The following LAMA2 variants were observed in gnomAD, a reference collection of about 807,000 sequenced individuals.
LAMA2 encodes the protein laminin subunit alpha-2.
LAMA2 carries 269 observed loss-of-function variants against 364.8 expected under a neutral mutation model. That is an observed-to-expected ratio of 0.74 (90% CI 0.67 to 0.82). LAMA2 has a LOEUF of 0.82. Among genes scored for constraint, LAMA2 ranks in the 40% least tolerant of loss-of-function variants. The pLI is 0.00. For synonymous variants in LAMA2, 1,379 were observed against 1,370.6 expected, an observed-to-expected ratio of 1.01 and a Z score of -0.14; for missense variants, 3,807 against 3,873.2, an observed-to-expected ratio of 0.98 and a Z score of 0.45.
At chr6:129,491,814 G>A in intron 56 of LAMA2, 87 bp from the exon 57 acceptor site, 1 of 1,072,706 alleles carries the variant, frequency 9.3e-7, no homozygotes, top group Non-Finnish European at 1.4e-6. Flanking sequence ...TGGTTGAGAG[G>A]GGTGAAGGGT....
chr6:129,391,969 T>C (rs1779349653), intron 36 of LAMA2, among the ~76,000 whole-genome samples: 1 of 152,170 alleles, frequency 6.6e-6, no homozygotes, highest in Non-Finnish European at 1.5e-5. Flanking sequence ...GGCTAATGAG[T>C]TTGTTTTGTT....
intron 40 of LAMA2, among the ~76,000 whole-genome samples, chr6:129,407,858 C>T (rs1260496170): frequency 1.3e-5 from 2 of 152,152 alleles, no homozygotes; most frequent in African/African-American, 4.8e-5. Flanking sequence ...CTCCTGTATT[C>T]CATGCATGCT....
chr6:128,966,208 T>C lies in LAMA2; in HGVS notation c.112+82851T>C, dbSNP rs1476226181. Among the ~76,000 whole-genome samples, 6 of 151,990 alleles carry C rather than the reference T, an allele frequency of 3.9e-5. No homozygotes were observed. In the East Asian group the frequency reaches 1.2e-3, roughly 29 times the overall value. ...ATTGGATTCAACCTGGTATTTAAAA[T>C]GCAAATACTTTTTGATTTCTCTTTT... On this transcript the variant is annotated intron_variant, in intron 1 of 64. Transcript: ENST00000421865.
At chr6:129,442,604 T>C (rs1562567912) in intron 43 of LAMA2, among the ~76,000 whole-genome samples, 1 of 152,190 alleles carries the variant, frequency 6.6e-6, no homozygotes, top group African/African-American at 2.4e-5. Context: ...GTTTGTTTTA[T>C]GAATTATTTA....
chr6:128,933,095 A>G (rs13194404), intron 1 of LAMA2, among the ~76,000 whole-genome samples: 19,453 of 151,966 alleles, frequency 0.13, 1,560 homozygotes, highest in African/African-American at 0.23. Context: ...ATCATACTGT[A>G]TTTGTTTTTC....
At chr6:129,474,335 C>T (rs1783962090) in intron 52 of LAMA2, among the ~76,000 whole-genome samples, 1 of 152,068 alleles carries the variant, frequency 6.6e-6, no homozygotes, top group Admixed American at 6.6e-5. Flanking sequence ...CTCCCCAAAT[C>T]TAAACTCATA....
intron 29 of LAMA2, among the ~76,000 whole-genome samples, chr6:129,334,382 CAG>C (rs1440325995): frequency 1.3e-5 from 2 of 152,126 alleles, no homozygotes; most frequent in Non-Finnish European, 2.9e-5. Context: ...TGGCTACTCA[CAG>C]AGTTTTTGTA....
Position 129,247,468 on chromosome 6 carries a change from A to C in LAMA2, c.1783-2644A>C, listed in dbSNP as rs1452607748. On this transcript the variant is annotated intron_variant, in intron 12 of 64. Coordinates refer to ENST00000421865, the MANE Select transcript of LAMA2 (RefSeq NM_000426.4). ...TCTAGGTCAAAAAATAAAGAAAGAC[A>C]GAATTACTTAAGTAAGTACTTGACT... is the stretch of plus-strand genomic sequence containing the variant. 1.3e-5 allele frequency among the ~76,000 whole-genome samples: 2 copies of C among 152,198 alleles called. 1 individual carries two copies. Among genetic ancestry groups the C allele is most frequent in the East Asian group, 3.8e-4 (2 of 5,198 alleles).
chr6:129,386,278 A>AAAC (rs1313695565), intron 35 of LAMA2, among the ~76,000 whole-genome samples: 1 of 152,098 alleles, frequency 6.6e-6, no homozygotes, highest in African/African-American at 2.4e-5. Flanking sequence ...AAGAGATGAA[A>AAAC]AACACATTCA....
intron 6 of LAMA2, among the ~76,000 whole-genome samples, chr6:129,148,621 T>G (rs761975876): frequency 3.9e-5 from 6 of 151,994 alleles, no homozygotes; most frequent in Non-Finnish European, 8.8e-5. Flanking sequence ...TATCCAAAAA[T>G]ATTAACAACA....
intron 12 of LAMA2, among the ~76,000 whole-genome samples, chr6:129,231,632 C>T (rs967601989): frequency 3.9e-5 from 6 of 152,068 alleles, no homozygotes; most frequent in Admixed American, 2.6e-4. Context: ...TCAGAAGCCA[C>T]GTTTTTTCTA....
At chr6:129,467,173 T>TA (rs149688919) in intron 51 of LAMA2, among the ~76,000 whole-genome samples, 1 of 151,726 alleles carries the variant, frequency 6.6e-6, no homozygotes, top group African/African-American at 2.4e-5. Context: ...TATGCAGCCA[T>TA]AAAAAAAGAA....
chr6:129,174,192 A>C (rs1166294815), intron 9 of LAMA2, among the ~76,000 whole-genome samples: 1 of 152,058 alleles, frequency 6.6e-6, no homozygotes, highest in Admixed American at 6.5e-5. Flanking sequence ...GATTAGAAAA[A>C]TGTATTTGTT....
chr6:129,286,970 A>AG (rs1562418085), intron 18 of LAMA2, among the ~76,000 whole-genome samples: 2 of 720 alleles, frequency 2.8e-3, no homozygotes, highest in Non-Finnish European at 0.04. Context: ...AGAAAGAAAG[A>AG]AACAGAGAGG....
At chr6:129,128,160 G>A (rs1027544932) in intron 4 of LAMA2, among the ~76,000 whole-genome samples, 12 of 152,068 alleles carry the variant, frequency 7.9e-5, no homozygotes, top group African/African-American at 2.9e-4. Flanking sequence ...AATTCATTTC[G>A]AATTGAGTTT....
Position 129,113,235 on chromosome 6 carries a change from C to CAT in LAMA2, c.639+14821_639+14822dup, listed in dbSNP as rs368774770. Among the ~76,000 whole-genome samples, 484 of 152,132 alleles carry CAT rather than the reference C, an allele frequency of 3.2e-3. 3 individuals carry two copies. The highest frequency in any genetic ancestry group is 9.8e-3 in the African/African-American group (406 of 41,544). ...CTAGAATTGCAGTGTGTTAGCCCCT[C>CAT]ATTTTCTCCAGTGTTTTTGTAAATC... On this transcript the variant is annotated intron_variant, in intron 4 of 64. Transcript: ENST00000421865.
intron 1 of LAMA2, among the ~76,000 whole-genome samples, chr6:129,008,241 G>A (rs764470109): frequency 1.3e-5 from 2 of 152,004 alleles, no homozygotes; most frequent in African/African-American, 2.4e-5. Context: ...ATTTACTGAC[G>A]TAAGCATTGC....
intron 1 of LAMA2, chr6:128,929,735 G>T (rs1779334058): frequency 3.2e-6 from 4 of 1,264,254 alleles, no homozygotes; most frequent in Admixed American, 3.4e-5. Context: ...CCCAATTCTT[G>T]TACCAATCGT....
intron 4 of LAMA2, among the ~76,000 whole-genome samples, chr6:129,108,549 G>C (rs1478804): frequency 6.6e-6 from 1 of 151,510 alleles, no homozygotes; most frequent in African/African-American, 2.4e-5. Context: ...CCTTAATCCC[G>C]CCCCTCTACA....
Sources: gnomAD v4.1 joint callset for allele counts (sites outside exome capture counted in the v4.1 genomes callset) on GRCh38, gnomAD v4.1.1 for gene constraint, MANE v1.5 for transcripts, NCBI Gene and HGNC (gene_info 2026-07-23, HGNC 2026-07-21) for gene names.